The following SLC9A9 variants were observed in gnomAD, a reference collection of about 807,000 sequenced individuals.
The protein encoded by SLC9A9 is sodium/hydrogen exchanger 9.
Under a neutral mutation model 77.8 loss-of-function variants are expected in SLC9A9, and 62 were observed. The ratio of observed to expected loss-of-function variants is 0.80; its 90% confidence interval spans 0.65 to 0.98. The LOEUF (loss-of-function observed/expected upper bound fraction) is 0.98. Ranked by LOEUF, SLC9A9 falls within the 50% of genes least tolerant of loss-of-function variation. SLC9A9 has a pLI of 0.00. For missense variants in SLC9A9, 775 were observed against 774.9 expected, an observed-to-expected ratio of 1.00 and a Z score of 0.00; for synonymous variants, 320 against 283.5, an observed-to-expected ratio of 1.13 and a Z score of -1.29.
At chr3:143,288,282 C>A (rs552234628) in intron 14 of SLC9A9, among the ~76,000 whole-genome samples, 1 of 151,462 alleles carries the variant, frequency 6.6e-6, no homozygotes, top group Non-Finnish European at 1.5e-5. Context: ...CAAAACAAAA[C>A]CAAAGAACAT....
At chr3:143,845,081 T>A (rs1265048100) in intron 1 of SLC9A9, among the ~76,000 whole-genome samples, 1 of 152,028 alleles carries the variant, frequency 6.6e-6, no homozygotes, top group African/African-American at 2.4e-5. Flanking sequence ...CACAGACACA[T>A]CCTTTCTCCA....
intron 11 of SLC9A9, among the ~76,000 whole-genome samples, chr3:143,492,148 C>A (rs150234568): frequency 0.014 from 2,129 of 151,924 alleles, 41 homozygotes; most frequent in East Asian, 0.12. Context: ...AAAAATTAGC[C>A]GGGCGTGGTG....
At chr3:143,459,064 G>T (rs1262008394) in intron 12 of SLC9A9, among the ~76,000 whole-genome samples, 5 of 151,158 alleles carry the variant, frequency 3.3e-5, no homozygotes, top group African/African-American at 1.2e-4. Flanking sequence ...TTTGGTCATT[G>T]CATTTTCCAT....
chr3:143,358,166 C>T (rs1293946804), intron 14 of SLC9A9, among the ~76,000 whole-genome samples: 2 of 151,956 alleles, frequency 1.3e-5, no homozygotes, highest in African/African-American at 4.8e-5. Flanking sequence ...TTAGCCTGTA[C>T]AAGATGGGGT....
chr3:143,300,783 C>T (rs994467519), intron 14 of SLC9A9, among the ~76,000 whole-genome samples: 1 of 152,136 alleles, frequency 6.6e-6, no homozygotes, highest in Non-Finnish European at 1.5e-5. Flanking sequence ...AGTTGGAGTA[C>T]CACTCTTTAA....
intron 12 of SLC9A9, among the ~76,000 whole-genome samples, chr3:143,456,051 A>G (rs958980246): frequency 6.6e-6 from 1 of 151,982 alleles, no homozygotes; most frequent in African/African-American, 2.4e-5. Flanking sequence ...AAGTTTTTTT[A>G]GATGTCTTTT....
intron 8 of SLC9A9, among the ~76,000 whole-genome samples, chr3:143,569,943 T>A (rs2037231884): frequency 6.6e-6 from 1 of 151,636 alleles, no homozygotes; most frequent in Admixed American, 6.6e-5. Context: ...CCCTGGTAGC[T>A]AGGGCCACAG....
chr3:143,790,265 C>T (rs148105332), intron 4 of SLC9A9, among the ~76,000 whole-genome samples: 124 of 152,238 alleles, frequency 8.1e-4, no homozygotes, highest in African/African-American at 2.6e-3. Flanking sequence ...TATAAATTAC[C>T]CAGTCTCAGG....
chr3:143,837,785 A>G (rs1315199916), intron 1 of SLC9A9, among the ~76,000 whole-genome samples: 1 of 152,116 alleles, frequency 6.6e-6, no homozygotes, highest in Non-Finnish European at 1.5e-5. Context: ...TTTGCTAGGG[A>G]GCTTCTTAGA....
rs535153494 is a variant in SLC9A9, at chr3:143,578,369, C to T, written c.894+216G>A. ...TAGTGTCAATAGCATTAGAACTGAC[C>T]TTGGGCAAGAAGAGAGCTTGGGCCC... On this transcript the variant is annotated intron_variant, in intron 7 of 15. Coordinates refer to ENST00000316549, the MANE Select transcript of SLC9A9 (RefSeq NM_173653.4). Among the ~76,000 whole-genome samples the T allele has an allele frequency of 2.0e-5, 3 of 152,226 alleles. No homozygotes were observed. The South Asian group carries it at 6.2e-4, about 32-fold the overall frequency.
At chr3:143,665,014 C>T (rs567133825) in intron 5 of SLC9A9, among the ~76,000 whole-genome samples, 3 of 152,330 alleles carry the variant, frequency 2.0e-5, no homozygotes, top group South Asian at 4.1e-4. Flanking sequence ...CTCTCCACCC[C>T]AAATCAACAG....
At chr3:143,778,037 C>CGAAAAAAAAAAAAAA (rs1553792005) in intron 4 of SLC9A9, among the ~76,000 whole-genome samples, 1 of 75,572 alleles carries the variant, frequency 1.3e-5, no homozygotes, top group Non-Finnish European at 2.4e-5. Context: ...TTATAAAATG[C>CGAAAAAAAAAAAAAA]AAAAAAAAAA....
intron 5 of SLC9A9, among the ~76,000 whole-genome samples, chr3:143,664,727 A>G (rs988383851): frequency 2.6e-5 from 4 of 152,236 alleles, no homozygotes; most frequent in Non-Finnish European, 4.4e-5. Flanking sequence ...AAAGATCAAA[A>G]GAGACAAAGA....
chr3:143,302,999 C>T (rs953828833), intron 14 of SLC9A9, among the ~76,000 whole-genome samples: 6 of 152,212 alleles, frequency 3.9e-5, no homozygotes, highest in Non-Finnish European at 5.9e-5. Flanking sequence ...CTTCCCTGCC[C>T]GCCCTCTCCA....
At position 143,266,626 on chromosome 3, in the gene SLC9A9, C is replaced by A; in HGVS notation, c.*76G>T. On this transcript the variant is annotated 3_prime_UTR_variant, in exon 16 of 16. Transcript: ENST00000316549. The stretch of plus-strand genomic sequence containing the variant: ...TATGTTTTCCAGCCTCTCCCCTGTA[C>A]TGCCTCATCAGCTTGGCTTGTATTC... 1 of 1,454,942 alleles carries A rather than the reference C, an allele frequency of 6.9e-7. No homozygotes were observed. Among genetic ancestry groups the A allele is most frequent in the Non-Finnish European group, 9.6e-7 (1 of 1,040,384 alleles). 90.1% of individuals were successfully genotyped at this position (1,454,942 alleles called of 1,614,324 possible). A position where few individuals can be genotyped will look rare whatever the true frequency, so the allele number is the denominator to read the frequency against.
At chr3:143,430,183 GAGAT>G (rs1413035944) in intron 12 of SLC9A9, among the ~76,000 whole-genome samples, 1 of 152,164 alleles carries the variant, frequency 6.6e-6, no homozygotes, top group Non-Finnish European at 1.5e-5. Context: ...AGGGTGAAGA[GAGAT>G]AGGCACCTGG....
chr3:143,784,472 G>A lies in SLC9A9; in HGVS notation c.533+10529C>T, dbSNP rs2007981847. 2.0e-5 allele frequency among the ~76,000 whole-genome samples: 3 copies of A among 151,496 alleles called. 1 individual carries two copies. Among genetic ancestry groups the A allele is most frequent in the South Asian group, 4.2e-4 (2 of 4,788 alleles). On this transcript the variant is annotated intron_variant, in intron 4 of 15. Coordinates refer to ENST00000316549, the MANE Select transcript of SLC9A9 (RefSeq NM_173653.4). The stretch of plus-strand genomic sequence containing the variant: ...GCATGTTTCATTTTTGTAGGCAGAG[G>A]TTTCACATCAGGTTCCAAGTCTTAT...
chr3:143,514,934 G>A (rs1273984486), intron 9 of SLC9A9, among the ~76,000 whole-genome samples: 1 of 152,120 alleles, frequency 6.6e-6, no homozygotes, highest in Admixed American at 6.5e-5. Context: ...CAATAAATTG[G>A]CTGTTTTGTG....
intron 5 of SLC9A9, among the ~76,000 whole-genome samples, chr3:143,682,225 C>A (rs1435486909): frequency 6.6e-6 from 1 of 152,172 alleles, no homozygotes; most frequent in African/African-American, 2.4e-5. Flanking sequence ...AAAGTCACTA[C>A]TTTCCCAGAA....
Sources: allele counts gnomAD v4.1 joint callset (sites outside exome capture counted in the v4.1 genomes callset), GRCh38; gene constraint gnomAD v4.1.1; transcripts MANE v1.5; gene names NCBI Gene and HGNC (gene_info 2026-07-23, HGNC 2026-07-21).